Variants in TP53BP2 observed in about 807,000 individuals in gnomAD.
TP53BP2 encodes the protein tumor protein p53 binding protein 2.
In TP53BP2, 62 loss-of-function variants were observed where a neutral mutation model predicts 126.2. That is an observed-to-expected ratio of 0.49 (90% CI 0.40 to 0.61). The LOEUF (loss-of-function observed/expected upper bound fraction) is 0.61, where lower values mean the gene tolerates loss of function less well. TP53BP2 is among the 20% of genes least tolerant of loss of function. TP53BP2 has a pLI of 0.00. For synonymous variants in TP53BP2, 485 were observed against 502.9 expected (o/e 0.96, Z 0.48); for missense variants, 1,215 against 1,402.8 (o/e 0.87, Z 2.14).
chr1:223,840,911 C>T (rs949154070), intron 1 of TP53BP2, among the ~76,000 whole-genome samples: 7 of 152,188 alleles, frequency 4.6e-5, no homozygotes, highest in Non-Finnish European at 7.3e-5. Flanking sequence ...AAACGTCTTT[C>T]AGCTTTTAAG....
intron 4 of TP53BP2, among the ~76,000 whole-genome samples, chr1:223,808,498 G>A (rs1153973): frequency 0.12 from 18,174 of 149,308 alleles, 1,449 homozygotes; most frequent in East Asian, 0.21. Flanking sequence ...CCGAGATCGC[G>A]CCACTGCACT....
Position 223,799,799 on chromosome 1 carries a change from C to G in TP53BP2, c.1485+100G>C, listed in dbSNP as rs148889692. On this transcript the variant is annotated intron_variant, in intron 11 of 17. Coordinates refer to ENST00000343537, the MANE Select transcript of TP53BP2 (RefSeq NM_001031685.3). ...GTATTTTCTAATCTCCTAGGTACAT[C>G]CTGTTTCTTCTGCTCTCCCTCACAC... The G allele has an allele frequency of 1.6e-3, 1,739 of 1,091,578 alleles. 6 individuals are homozygous for G. The highest frequency in any genetic ancestry group is 1.4e-3 in the Non-Finnish European group (1,102 of 803,590). 67.6% of individuals were successfully genotyped at this position (1,091,578 alleles called of 1,614,324 possible). A position where few individuals can be genotyped will look rare whatever the true frequency, so the allele number is the denominator to read the frequency against.
At chr1:223,813,438 TCTAA>T (rs1273000349) in intron 3 of TP53BP2, among the ~76,000 whole-genome samples, 14 of 152,132 alleles carry the variant, frequency 9.2e-5, no homozygotes, top group Admixed American at 1.3e-4. Flanking sequence ...TGTTCTTTCA[TCTAA>T]CTGAGACTCA....
At chr1:223,784,031 G>A in intron 17 of TP53BP2, 84 bp downstream of exon 17, 5 of 1,197,104 alleles carry the variant, frequency 4.2e-6, no homozygotes, top group Non-Finnish European at 6.2e-6. Context: ...GCAGTTTGGT[G>A]CACTGTACAC....
At chr1:223,788,799 T>G (rs1049786361) in intron 16 of TP53BP2, among the ~76,000 whole-genome samples, 3 of 152,196 alleles carry the variant, frequency 2.0e-5, no homozygotes, top group African/African-American at 7.2e-5. Flanking sequence ...CACTGTCTTT[T>G]GTAATTGAAG....
At chr1:223,791,951 G>A (rs962417472) in intron 15 of TP53BP2, among the ~76,000 whole-genome samples, 2 of 151,960 alleles carry the variant, frequency 1.3e-5, no homozygotes, top group African/African-American at 2.4e-5. Context: ...CTGGTTCCAC[G>A]AAAAATGGAT....
At chr1:223,838,992 G>T (rs1664015332) in intron 1 of TP53BP2, among the ~76,000 whole-genome samples, 1 of 151,132 alleles carries the variant, frequency 6.6e-6, no homozygotes, top group African/African-American at 2.4e-5. Context: ...TTAAATAAGG[G>T]ACGATGTCTC....
chr1:223,828,941 A>T (rs1663600410), intron 1 of TP53BP2, among the ~76,000 whole-genome samples: 1 of 152,152 alleles, frequency 6.6e-6, no homozygotes, highest in Non-Finnish European at 1.5e-5. Flanking sequence ...AAAACCACTG[A>T]ATTGTACATT....
At chr1:223,818,760 G>C (rs1408417592) in intron 2 of TP53BP2, among the ~76,000 whole-genome samples, 1 of 151,096 alleles carries the variant, frequency 6.6e-6, no homozygotes, top group Non-Finnish European at 1.5e-5. Flanking sequence ...TTTTACTTTA[G>C]TAGAGGCGGG....
At chr1:223,828,409 C>T (rs1663576713) in intron 1 of TP53BP2, among the ~76,000 whole-genome samples, 2 of 152,112 alleles carry the variant, frequency 1.3e-5, no homozygotes, top group South Asian at 2.1e-4. Flanking sequence ...GAATGTACCA[C>T]GTGCACAATA....
At chr1:223,832,937 G>C (rs778245496) in intron 1 of TP53BP2, among the ~76,000 whole-genome samples, 1 of 152,080 alleles carries the variant, frequency 6.6e-6, no homozygotes, top group South Asian at 2.1e-4. Context: ...AACCCACAGG[G>C]GTCTCTGTGG....
rs907655204 is a variant in TP53BP2 at position 223,802,599 on chromosome 1, G to A, written c.996+132C>T. ...AAAAAGCAGCGGATTGTCTTTTAAG[G>A]ATCCATAAACAGCATCTGTTTTCTG... is the stretch of plus-strand genomic sequence containing the variant. On this transcript the variant is annotated intron_variant, in intron 8 of 17. Coordinates refer to ENST00000343537, the MANE Select transcript of TP53BP2 (RefSeq NM_001031685.3). 4 of 1,140,930 alleles carry A rather than the reference G, an allele frequency of 3.5e-6. 1 individual carries two copies. The highest frequency in any genetic ancestry group is 1.6e-5 in the African/African-American group (1 of 64,358). The allele number at this position is 1,140,930 out of a possible 1,614,324, so 70.7% of individuals were successfully genotyped here. A position where few individuals can be genotyped will look rare whatever the true frequency, so the allele number is the denominator to read the frequency against.
At chr1:223,807,974 A>G (rs1425823099) in intron 4 of TP53BP2, among the ~76,000 whole-genome samples, 2 of 152,202 alleles carry the variant, frequency 1.3e-5, no homozygotes, top group Admixed American at 1.3e-4. Flanking sequence ...AATAGCCAAA[A>G]TAACTCTGAA....
intron 1 of TP53BP2, among the ~76,000 whole-genome samples, chr1:223,844,701 G>A (rs1664210777): frequency 6.6e-6 from 1 of 152,120 alleles, no homozygotes; most frequent in African/African-American, 2.4e-5. Flanking sequence ...GACACAAGCA[G>A]GGGGCCAGGG....
chr1:223,825,545 G>A (rs1383775821), intron 1 of TP53BP2, among the ~76,000 whole-genome samples: 1 of 152,190 alleles, frequency 6.6e-6, no homozygotes, highest in African/African-American at 2.4e-5. Flanking sequence ...ATGGCATGTA[G>A]CGTGTAGCAC....
chr1:223,831,061 G>A lies in TP53BP2; in HGVS notation c.28-9694C>T, dbSNP rs553358730. On this transcript the variant is annotated intron_variant, in intron 1 of 17. Transcript: ENST00000343537. ...TGCAGTGAGCCGAGATCGCGCCACT[G>A]CACTCCAGCCTGGGAGAGAGAGTGA... Among the ~76,000 whole-genome samples, 22 of 151,624 alleles carry A rather than the reference G, an allele frequency of 1.5e-4. 1 individual carries two copies. The South Asian group carries it at 4.6e-3, about 32-fold the overall frequency.
At chr1:223,809,003 G>C (rs532527228) in intron 4 of TP53BP2, among the ~76,000 whole-genome samples, 1 of 152,012 alleles carries the variant, frequency 6.6e-6, no homozygotes, top group Non-Finnish European at 1.5e-5. Context: ...TAAAACTCTG[G>C]TGGGCATGTA....
intron 10 of TP53BP2, 51 bp from the exon 11 acceptor site, chr1:223,800,098 C>A (rs1662479549): frequency 6.6e-7 from 1 of 1,513,792 alleles, no homozygotes; most frequent in African/African-American, 1.4e-5. Context: ...AATAAAGTAT[C>A]TCATTCACTC....
intron 3 of TP53BP2, among the ~76,000 whole-genome samples, chr1:223,811,395 C>T (rs73127441): frequency 0.018 from 2,712 of 152,146 alleles, 88 homozygotes; most frequent in African/African-American, 0.062. Flanking sequence ...TGCTAATAAA[C>T]AAATAAATAA....
Sources: gnomAD v4.1 joint callset for allele counts (sites outside exome capture counted in the v4.1 genomes callset) on GRCh38, gnomAD v4.1.1 for gene constraint, MANE v1.5 for transcripts, NCBI Gene and HGNC (gene_info 2026-07-23, HGNC 2026-07-21) for gene names.